FRAS1: variants seen among roughly 807,000 people sequenced by gnomAD.
FRAS1 encodes the protein Fraser extracellular matrix complex subunit 1.
A neutral mutation model predicts 435.2 loss-of-function variants in FRAS1; 290 were observed. The observed-to-expected ratio is 0.67, with a 90% CI of 0.61 to 0.73. The LOEUF (loss-of-function observed/expected upper bound fraction) is 0.73, where lower values mean the gene tolerates loss of function less well. Among genes scored for constraint, FRAS1 ranks in the 30% least tolerant of loss-of-function variants. The probability of loss-of-function intolerance (pLI) is 0.00; values close to 1 mark genes in which losing one functional copy is unlikely to be tolerated. For missense variants in FRAS1, 4,860 were observed against 5,001.5 expected (o/e 0.97, Z 0.85); for synonymous variants, 1,800 against 1,851.0 (o/e 0.97, Z 0.71).
At chr4:78,534,231 A>G (rs1721814641) in intron 70 of FRAS1, among the ~76,000 whole-genome samples, 1 of 152,220 alleles carries the variant, frequency 6.6e-6, no homozygotes. Flanking sequence ...CTAAAGAGTA[A>G]TTAATTATTT....
intron 2 of FRAS1, among the ~76,000 whole-genome samples, chr4:78,123,816 C>T (rs1296063908): frequency 6.6e-6 from 1 of 152,124 alleles, no homozygotes; most frequent in Non-Finnish European, 1.5e-5. Context: ...GTGATTTTTG[C>T]ACACTGATTT....
intron 15 of FRAS1, among the ~76,000 whole-genome samples, chr4:78,309,343 GA>G (rs1728924248): frequency 6.6e-6 from 1 of 152,222 alleles, no homozygotes; most frequent in South Asian, 2.1e-4. Flanking sequence ...AGCAGCAATA[GA>G]AAATGAATAC....
intron 2 of FRAS1, among the ~76,000 whole-genome samples, chr4:78,101,748 G>A (rs1211246152): frequency 6.6e-6 from 1 of 152,166 alleles, no homozygotes; most frequent in South Asian, 2.1e-4. Flanking sequence ...GTAGAAATAT[G>A]TATAAGATGG....
At chr4:78,508,094 A>C (rs1233123871) in intron 62 of FRAS1, among the ~76,000 whole-genome samples, 2 of 152,178 alleles carry the variant, frequency 1.3e-5, no homozygotes, top group Non-Finnish European at 2.9e-5. Context: ...CACTATATTT[A>C]TAGAATTAAG....
At chr4:78,156,901 G>T (rs1720912168) in intron 2 of FRAS1, among the ~76,000 whole-genome samples, 1 of 152,102 alleles carries the variant, frequency 6.6e-6, no homozygotes, top group African/African-American at 2.4e-5. Context: ...GTCCTTTCCA[G>T]TGCACTGTCT....
chr4:78,475,676 CT>C, intron 54 of FRAS1, 70 bp downstream of exon 54: 1 of 1,409,620 alleles, frequency 7.1e-7, no homozygotes, highest in Admixed American at 2.3e-5. Context: ...AATTGTGGCA[CT>C]TTCCTACTTC....
chr4:78,281,483 T>C, intron 11 of FRAS1, 50 bp downstream of exon 11: 1 of 1,199,274 alleles, frequency 8.3e-7, no homozygotes, highest in South Asian at 1.5e-5. Flanking sequence ...AATTGTTTTA[T>C]GTAATGATCT....
At chr4:78,259,091 T>G (rs995704394) in intron 6 of FRAS1, among the ~76,000 whole-genome samples, 5 of 98,982 alleles carry the variant, frequency 5.1e-5, no homozygotes, top group African/African-American at 1.8e-4. Flanking sequence ...CACATTTTCT[T>G]AATCCAGTCT....
At chr4:78,517,178 T>G (rs1013227268) in intron 66 of FRAS1, among the ~76,000 whole-genome samples, 2 of 152,222 alleles carry the variant, frequency 1.3e-5, no homozygotes. Context: ...GAAAGTGTCT[T>G]TGATTAAAAT....
intron 65 of FRAS1, 150 bp from the exon 66 acceptor site, chr4:78,515,649 C>T (rs1183240194): frequency 7.5e-6 from 5 of 666,172 alleles, no homozygotes; most frequent in Non-Finnish European, 1.3e-5. Context: ...TCACATTCTC[C>T]CTGCACATTG....
intron 2 of FRAS1, among the ~76,000 whole-genome samples, chr4:78,147,021 C>T (rs1410669527): frequency 6.6e-6 from 1 of 151,748 alleles, no homozygotes; most frequent in African/African-American, 2.4e-5. Context: ...ATTTTTTTGC[C>T]CCCAGTAGAC....
intron 2 of FRAS1, among the ~76,000 whole-genome samples, chr4:78,130,702 T>C (rs554467130): frequency 1.1e-4 from 17 of 152,248 alleles, no homozygotes; most frequent in African/African-American, 4.1e-4. Flanking sequence ...ATGAAGCTTA[T>C]AGAGAAACAC....
At chr4:78,168,396 GT>G (rs1358948119) in intron 2 of FRAS1, among the ~76,000 whole-genome samples, 3 of 151,358 alleles carry the variant, frequency 2.0e-5, no homozygotes, top group Admixed American at 6.6e-5. Flanking sequence ...TTTGTTTTTT[GT>G]TTTTTCTTTT....
At chr4:78,202,105 G>C (rs757041900) in intron 2 of FRAS1, among the ~76,000 whole-genome samples, 1 of 152,128 alleles carries the variant, frequency 6.6e-6, no homozygotes, top group African/African-American at 2.4e-5. Flanking sequence ...ACACATTACT[G>C]TGCACAGGAC....
At chr4:78,284,227 G>GTTTTTTTTT (rs1460694054) in intron 12 of FRAS1, among the ~76,000 whole-genome samples, 178 bp from the exon 13 acceptor site, 11 of 37,344 alleles carry the variant, frequency 2.9e-4, no homozygotes, top group East Asian at 1.3e-3. Context: ...GCATTGGAAT[G>GTTTTTTTTT]TATTTTTTTT....
At chr4:78,389,585 T>C (rs755430505) in intron 29 of FRAS1, among the ~76,000 whole-genome samples, 3 of 152,246 alleles carry the variant, frequency 2.0e-5, no homozygotes, top group Middle Eastern at 3.2e-3. Flanking sequence ...ACTCTTGCGA[T>C]GGCCCTGGGA....
intron 58 of FRAS1, 139 bp downstream of exon 58, chr4:78,482,674 G>C: frequency 1.2e-6 from 1 of 865,550 alleles, no homozygotes; most frequent in Non-Finnish European, 1.8e-6. Context: ...GTGAGCATTT[G>C]CACTTTTACA....
intron 14 of FRAS1, among the ~76,000 whole-genome samples, chr4:78,306,259 A>T (rs377141733): frequency 6.6e-6 from 1 of 151,108 alleles, no homozygotes; most frequent in Non-Finnish European, 1.5e-5. Flanking sequence ...CTTCCCTTTG[A>T]GGGTAACCCG....
At chr4:78,518,602 A>G (rs1392112110) in intron 66 of FRAS1, among the ~76,000 whole-genome samples, 2 of 152,098 alleles carry the variant, frequency 1.3e-5, no homozygotes, top group Admixed American at 1.3e-4. Flanking sequence ...TTTGTTCATT[A>G]CATAGTAAAA....
Sources: allele counts gnomAD v4.1 joint callset (sites outside exome capture counted in the v4.1 genomes callset), GRCh38; gene constraint gnomAD v4.1.1; transcripts MANE v1.5; gene names NCBI Gene and HGNC (gene_info 2026-07-23, HGNC 2026-07-21).